ABLIM1: variants seen among roughly 807,000 people sequenced by gnomAD.
ABLIM1 encodes the protein actin binding LIM protein 1, also known as actin-binding LIM protein 1.
A neutral mutation model predicts 107.0 loss-of-function variants in ABLIM1; 40 were observed. The ratio of observed to expected loss-of-function variants is 0.37; its 90% CI spans 0.29 to 0.49. ABLIM1 has a LOEUF of 0.49. ABLIM1 is among the 20% of genes least tolerant of loss of function. The probability of loss-of-function intolerance (pLI) is 0.97; values close to 1 mark genes in which losing one functional copy is unlikely to be tolerated. For synonymous variants in ABLIM1, 357 were observed against 357.3 expected (o/e 1.00, Z 0.01); for missense variants, 857 against 1,008.5 (o/e 0.85, Z 2.04).
chr10:114,690,316 C>T (rs1039781708), intron 1 of ABLIM1: 15 of 1,597,100 alleles, frequency 9.4e-6, no homozygotes, highest in East Asian at 4.5e-5. Context: ...AACTGGGAAC[C>T]GTTTGTGTTG....
the ABLIM1 span, among the ~76,000 whole-genome samples, chr10:114,782,013 C>T: frequency 6.6e-6 from 1 of 151,934 alleles, no homozygotes; most frequent in South Asian, 2.1e-4. Flanking sequence ...CTAGTATATT[C>T]TTAATAAACC....
At chr10:114,615,402 T>C (rs2077069656) in intron 1 of ABLIM1, among the ~76,000 whole-genome samples, 1 of 152,158 alleles carries the variant, frequency 6.6e-6, no homozygotes, top group South Asian at 2.1e-4. Context: ...ACCCTCAAGC[T>C]TCTAGGTCAC....
At chr10:114,726,121 A>G (rs977016004) in intron 1 of ABLIM1, among the ~76,000 whole-genome samples, 1 of 152,134 alleles carries the variant, frequency 6.6e-6, no homozygotes, top group African/African-American at 2.4e-5. Context: ...TATTTTTAAT[A>G]CCTCCAAAAG....
intron 1 of ABLIM1, among the ~76,000 whole-genome samples, chr10:114,737,274 T>A (rs191048934): frequency 6.6e-6 from 1 of 152,108 alleles, no homozygotes; most frequent in Admixed American, 6.6e-5. Flanking sequence ...CAGTGAGCAC[T>A]CCAGCCTGGG....
At chr10:114,461,625 C>G (rs1443463936) in intron 12 of ABLIM1, among the ~76,000 whole-genome samples, 1 of 151,950 alleles carries the variant, frequency 6.6e-6, no homozygotes. Flanking sequence ...TTGAGACCAG[C>G]CTGGCCAACA....
chr10:114,704,025 T>A (rs960662128), intron 1 of ABLIM1, among the ~76,000 whole-genome samples: 2 of 151,942 alleles, frequency 1.3e-5, no homozygotes, highest in Non-Finnish European at 2.9e-5. Context: ...TGCCCAGGAG[T>A]GCCAGAAATA....
upstream of ABLIM1, among the ~76,000 whole-genome samples, chr10:114,662,868 C>T (rs968441293): frequency 5.3e-5 from 8 of 152,172 alleles, no homozygotes; most frequent in Non-Finnish European, 1.0e-4. Context: ...GCATAGGCAA[C>T]GTTCCCAAAG....
intron 1 of ABLIM1, chr10:114,690,460 T>G: frequency 6.3e-7 from 1 of 1,588,260 alleles, no homozygotes; most frequent in Non-Finnish European, 8.6e-7. Flanking sequence ...CCCTGACACA[T>G]AAACCCTGGA....
At chr10:114,739,533 G>A (rs2082246292) in intron 1 of ABLIM1, among the ~76,000 whole-genome samples, 1 of 152,136 alleles carries the variant, frequency 6.6e-6, no homozygotes, top group Admixed American at 6.5e-5. Context: ...TTGTTTGAAA[G>A]TATTAATTCT....
At chr10:114,597,011 T>G (rs982126544) in intron 2 of ABLIM1, among the ~76,000 whole-genome samples, 1 of 152,168 alleles carries the variant, frequency 6.6e-6, no homozygotes, top group Non-Finnish European at 1.5e-5. Flanking sequence ...AGAACTGGAA[T>G]GTGCCTCCTG....
intron 4 of ABLIM1, among the ~76,000 whole-genome samples, chr10:114,551,213 T>C (rs541395766): frequency 6.6e-6 from 1 of 152,366 alleles, no homozygotes; most frequent in East Asian, 1.9e-4. Context: ...CAATGCTTGG[T>C]ACATGTGAGC....
At chr10:114,789,340 C>A in the ABLIM1 span, among the ~76,000 whole-genome samples, 1 of 152,192 alleles carries the variant, frequency 6.6e-6, no homozygotes, top group African/African-American at 2.4e-5. Flanking sequence ...TTTCGATGGT[C>A]TCTATGGCCT....
At chr10:114,697,589 C>T (rs563220630) in intron 1 of ABLIM1, among the ~76,000 whole-genome samples, 1 of 152,330 alleles carries the variant, frequency 6.6e-6, no homozygotes, top group African/African-American at 2.4e-5. Flanking sequence ...GTGCCAATGG[C>T]TTCTAAAAAC....
intron 6 of ABLIM1, among the ~76,000 whole-genome samples, chr10:114,496,045 G>T (rs956566376): frequency 4.6e-5 from 7 of 152,202 alleles, no homozygotes; most frequent in Non-Finnish European, 1.0e-4. Flanking sequence ...ATAACTCTCT[G>T]CTCAGAGACA....
chr10:114,545,995 T>C (rs1263234046), intron 5 of ABLIM1, among the ~76,000 whole-genome samples: 1 of 148,260 alleles, frequency 6.7e-6, no homozygotes, highest in East Asian at 2.0e-4. Context: ...TCAGCATTCA[T>C]TCCCCTACAA....
intron 1 of ABLIM1, among the ~76,000 whole-genome samples, chr10:114,719,388 AG>A (rs1408293730): frequency 1.3e-4 from 20 of 152,326 alleles, no homozygotes; most frequent in Non-Finnish European, 2.4e-4. Flanking sequence ...GACCTTGTCC[AG>A]GGTTACTTAG....
chr10:114,647,484 C>T (rs1035327068), intron 1 of ABLIM1, among the ~76,000 whole-genome samples: 2 of 152,220 alleles, frequency 1.3e-5, no homozygotes, highest in African/African-American at 4.8e-5. Context: ...AATTGTCCCA[C>T]AAGGACAGCA....
chr10:114,473,927 A>G lies in ABLIM1; in HGVS notation c.1071T>C (p.Tyr357=), dbSNP rs2067065879. The G allele has an allele frequency of 5.3e-5, 85 of 1,613,820 alleles. No homozygotes were observed. Among genetic ancestry groups the G allele is most frequent in the Non-Finnish European group, 7.1e-5 (84 of 1,179,848 alleles). Reference sequence around the variant, plus strand: ...CAGGAATACTGGAGCCTGGCCTAGAATAAATACTTTCCGAGGATGTCCTGG... The same window carrying G: ...CAGGAATACTGGAGCCTGGCCTAGAGTAAATACTTTCCGAGGATGTCCTGG... The part of the protein sequence containing the change: ...RPTRTSSESI[Y]SRPGSSIPGS... The change falls in exon 9 of 23, where the codon TAT becomes TAC. Residue 357 remains tyrosine, a synonymous_variant. Coordinates refer to ENST00000533213, the MANE Select transcript of ABLIM1 (RefSeq NM_002313.7).
At chr10:114,735,318 A>G (rs926850751) in intron 1 of ABLIM1, among the ~76,000 whole-genome samples, 2 of 152,256 alleles carry the variant, frequency 1.3e-5, no homozygotes, top group Non-Finnish European at 2.9e-5. Context: ...AATCGAGTAC[A>G]GATAGGCCTC....
Sources: allele counts gnomAD v4.1 joint callset (sites outside exome capture counted in the v4.1 genomes callset), GRCh38; gene constraint gnomAD v4.1.1; transcripts MANE v1.5; gene names NCBI Gene and HGNC (gene_info 2026-07-23, HGNC 2026-07-21).